SKAP1: variants seen among roughly 807,000 people sequenced by gnomAD.
SKAP1 encodes the protein src kinase associated phosphoprotein 1.
In SKAP1, 44 loss-of-function variants were observed where a neutral mutation model predicts 58.5. The observed-to-expected ratio is 0.75, with a 90% CI of 0.59 to 0.97. SKAP1 has a LOEUF of 0.97. SKAP1 is among the 50% of genes least tolerant of loss of function. The probability of loss-of-function intolerance (pLI) is 0.00; values close to 1 mark genes in which losing one functional copy is unlikely to be tolerated. For synonymous variants in SKAP1, 127 were observed against 149.7 expected (o/e 0.85, Z 1.11); for missense variants, 390 against 435.2 (o/e 0.90, Z 0.92).
intron 4 of SKAP1, among the ~76,000 whole-genome samples, chr17:48,218,545 T>C (rs907153950): frequency 7.9e-5 from 12 of 152,248 alleles, no homozygotes; most frequent in Non-Finnish European, 1.6e-4. Context: ...TTGGTTGTTC[T>C]AGTGAATTCT....
At chr17:48,417,511 G>A (rs895922458) in intron 1 of SKAP1, among the ~76,000 whole-genome samples, 1 of 152,106 alleles carries the variant, frequency 6.6e-6, no homozygotes, top group East Asian at 1.9e-4. Context: ...TTGGGAAGCC[G>A]AGGCAGGAGG....
chr17:48,284,689 G>C (rs2065808614), intron 4 of SKAP1, among the ~76,000 whole-genome samples: 1 of 152,156 alleles, frequency 6.6e-6, no homozygotes, highest in African/African-American at 2.4e-5. Flanking sequence ...ACCTTAACTA[G>C]AGAACATATC....
chr17:48,345,888 A>G lies in SKAP1; in HGVS notation c.280+17T>C, dbSNP rs941529418. ...GAAGTATGGTAGTCACCCAAAATCC[A>G]GAAGGATAACACTCACCCTCATCCT... On this transcript the variant is annotated intron_variant, in intron 4 of 12. Coordinates refer to ENST00000336915, the MANE Select transcript of SKAP1 (RefSeq NM_003726.4). The G allele has an allele frequency of 1.9e-6, 3 of 1,582,852 alleles. No homozygotes were observed. In the African/African-American group the frequency reaches 4.0e-5, roughly 21 times the overall value.
intron 4 of SKAP1, among the ~76,000 whole-genome samples, chr17:48,320,159 C>T (rs948110100): frequency 1.3e-5 from 2 of 151,954 alleles, no homozygotes; most frequent in Admixed American, 1.3e-4. Context: ...TCTATTATTA[C>T]CAAGAAACAG....
intron 4 of SKAP1, among the ~76,000 whole-genome samples, chr17:48,290,629 A>G (rs1388097741): frequency 2.1e-5 from 3 of 142,632 alleles, no homozygotes; most frequent in Admixed American, 1.4e-4. Context: ...ACATTACATC[A>G]TGTCATTTCA....
At chr17:48,384,569 A>C (rs2144493182) in intron 2 of SKAP1, among the ~76,000 whole-genome samples, 1 of 152,268 alleles carries the variant, frequency 6.6e-6, no homozygotes. Flanking sequence ...GTAACGTCCT[A>C]CTGCATTTCA....
At chr17:48,382,701 T>C (rs2067230931) in intron 2 of SKAP1, 1 of 152,224 alleles carries the variant, frequency 6.6e-6, no homozygotes, top group Admixed American at 6.5e-5. Context: ...CACTGTGCAT[T>C]GCCTGTAATA....
At chr17:48,441,175 G>T in the SKAP1 span, among the ~76,000 whole-genome samples, 3 of 152,218 alleles carry the variant, frequency 2.0e-5, no homozygotes, top group African/African-American at 7.2e-5. Flanking sequence ...TCATAGGGTT[G>T]CATGAAACAT....
chr17:48,294,302 C>A (rs1006887798), intron 4 of SKAP1: 1 of 152,178 alleles, frequency 6.6e-6, no homozygotes, highest in South Asian at 2.1e-4. Flanking sequence ...ACAGCAACAA[C>A]GCTGATTACA....
chr17:48,342,396 T>C (rs1205916005), intron 4 of SKAP1, among the ~76,000 whole-genome samples: 3 of 152,202 alleles, frequency 2.0e-5, no homozygotes, highest in Non-Finnish European at 2.9e-5. Flanking sequence ...CATTTTTTGC[T>C]GTGTACCTGG....
At chr17:48,398,091 C>T (rs34275400) in intron 1 of SKAP1, among the ~76,000 whole-genome samples, 4,464 of 115,186 alleles carry the variant, frequency 0.039, 243 homozygotes, top group African/African-American at 0.15. Context: ...CACACAGGAA[C>T]CTTTATTTCC....
intron 4 of SKAP1, among the ~76,000 whole-genome samples, chr17:48,190,275 T>G (rs1419087564): frequency 6.6e-6 from 1 of 151,544 alleles, no homozygotes; most frequent in East Asian, 2.0e-4. Flanking sequence ...CCCGGCTAAT[T>G]TTTTTTTGTT....
At chr17:48,380,208 T>C (rs1326683157) in intron 2 of SKAP1, 1 of 152,320 alleles carries the variant, frequency 6.6e-6, no homozygotes, top group Non-Finnish European at 1.5e-5. Context: ...ACCAGGGCTT[T>C]CAGTTCTGTC....
chr17:48,195,350 A>G (rs902878977), intron 4 of SKAP1, among the ~76,000 whole-genome samples: 2 of 152,222 alleles, frequency 1.3e-5, no homozygotes, highest in Admixed American at 6.5e-5. Context: ...TTCCTTGATT[A>G]GTCCCTTGAA....
intron 4 of SKAP1, among the ~76,000 whole-genome samples, chr17:48,276,998 A>G (rs2065709076): frequency 6.6e-6 from 1 of 152,228 alleles, no homozygotes; most frequent in Admixed American, 6.5e-5. Context: ...TGTGATTATG[A>G]ATCAGTTTCC....
intron 2 of SKAP1, among the ~76,000 whole-genome samples, chr17:48,390,374 T>C (rs1266873530): frequency 6.6e-6 from 1 of 151,866 alleles, no homozygotes; most frequent in East Asian, 1.9e-4. Flanking sequence ...AAGCAAATGG[T>C]GATAAAAATG....
intron 4 of SKAP1, among the ~76,000 whole-genome samples, chr17:48,323,823 T>TCC (rs1446535025): frequency 6.6e-5 from 10 of 151,990 alleles, no homozygotes; most frequent in African/African-American, 2.2e-4. Context: ...GCCACAGTGT[T>TCC]GAGGCTGGCT....
At chr17:48,247,454 A>G (rs971635510) in intron 4 of SKAP1, among the ~76,000 whole-genome samples, 1 of 152,190 alleles carries the variant, frequency 6.6e-6, no homozygotes. Flanking sequence ...GCCCAATACA[A>G]TTTGTTTCCT....
chr17:48,283,438 G>T (rs2065792659), intron 4 of SKAP1, among the ~76,000 whole-genome samples: 1 of 152,140 alleles, frequency 6.6e-6, no homozygotes, highest in African/African-American at 2.4e-5. Context: ...ACTTCCTCTT[G>T]GTCTGTGACC....
Sources: allele counts gnomAD v4.1 joint callset (sites outside exome capture counted in the v4.1 genomes callset), GRCh38; gene constraint gnomAD v4.1.1; transcripts MANE v1.5; gene names NCBI Gene and HGNC (gene_info 2026-07-23, HGNC 2026-07-21).